USP25: variants seen among roughly 807,000 people sequenced by gnomAD.
The protein encoded by USP25 is ubiquitin specific peptidase 25.
Under a neutral mutation model 158.5 loss-of-function variants are expected in USP25, and 85 were observed. That is an observed-to-expected ratio of 0.54 (90% CI 0.45 to 0.64). The LOEUF is 0.64. USP25 is among the 30% of genes least tolerant of loss of function. USP25 has a pLI of 0.00. For missense variants in USP25, 1,242 were observed against 1,327.3 expected, an observed-to-expected ratio of 0.94 and a Z score of 1.00; for synonymous variants, 464 against 460.4, an observed-to-expected ratio of 1.01 and a Z score of -0.10.
intron 24 of USP25, among the ~76,000 whole-genome samples, chr21:15,874,844 A>G (rs2040037406): frequency 6.6e-6 from 1 of 152,178 alleles, no homozygotes; most frequent in Non-Finnish European, 1.5e-5. Context: ...ATGCATAGAT[A>G]AGCCTTAAAA....
At chr21:15,865,174 A>G (rs2039602560) in intron 21 of USP25, among the ~76,000 whole-genome samples, 1 of 152,158 alleles carries the variant, frequency 6.6e-6, no homozygotes, top group Admixed American at 6.5e-5. Flanking sequence ...CTATTAAACT[A>G]CTAATGTTAA....
chr21:15,741,617 T>C (rs1264827271), intron 1 of USP25, among the ~76,000 whole-genome samples: 1 of 152,194 alleles, frequency 6.6e-6, no homozygotes, highest in Non-Finnish European at 1.5e-5. Context: ...CAAGTGCTTG[T>C]TGGCCAGTTT....
At chr21:15,785,324 T>G (rs1042163104) in intron 4 of USP25, among the ~76,000 whole-genome samples, 13 of 152,166 alleles carry the variant, frequency 8.5e-5, no homozygotes, top group African/African-American at 3.1e-4. Flanking sequence ...ATCCCACTTT[T>G]AACAGTAGAC....
intron 4 of USP25, among the ~76,000 whole-genome samples, chr21:15,787,349 A>G (rs900563294): frequency 6.6e-6 from 1 of 152,116 alleles, no homozygotes; most frequent in Middle Eastern, 3.2e-3. Flanking sequence ...TTGACTTCCA[A>G]ATGTACTGCT....
At position 15,842,628 on chromosome 21, in the gene USP25, GGA is replaced by G. The variant is rs2038394264; in HGVS notation, c.2337+93_2337+94del. 1.3e-5 allele frequency: 20 copies of G among 1,494,210 alleles called. No individual in the cohort carries two copies. In the South Asian group the frequency reaches 1.9e-4, roughly 14 times the overall value. The allele number at this position is 1,494,210 out of a possible 1,614,324, so 92.6% of individuals were successfully genotyped here. On this transcript the variant is annotated intron_variant, in intron 18 of 25. Coordinates refer to ENST00000400183, the MANE Select transcript of USP25 (RefSeq NM_001283041.3). ...TGGAGAGGGACCTGTCAGGGAGTCAGGAGAGACGGGGCCCAGTGATGGCTCTG... is the reference window on the plus strand; with the variant it reads ...TGGAGAGGGACCTGTCAGGGAGTCAGGAGACGGGGCCCAGTGATGGCTCTG...
intron 10 of USP25, among the ~76,000 whole-genome samples, chr21:15,822,642 A>G (rs2037290786): frequency 1.3e-5 from 2 of 151,962 alleles, no homozygotes; most frequent in Non-Finnish European, 2.9e-5. Flanking sequence ...ATATTATCCT[A>G]AAGAATCAAA....
chr21:15,769,451 C>T (rs2034225583), intron 3 of USP25, among the ~76,000 whole-genome samples: 1 of 152,054 alleles, frequency 6.6e-6, no homozygotes, highest in South Asian at 2.1e-4. Context: ...TACTAGGTAA[C>T]ATTTTTTATT....
rs57912569 is a variant in USP25, at chr21:15,775,739, A to ACCCCCCCCCC, written c.269-2159_269-2150dup. ...CAAAGGCAACAGGATAATGGTTGCCACCCCCCCCCCCCCCCGCCCCCGCTG... is the reference window on the plus strand; with the variant it reads ...CAAAGGCAACAGGATAATGGTTGCCACCCCCCCCCCCCCCCCCCCCCCCCCGCCCCCGCTG... On this transcript the variant is annotated intron_variant, in intron 3 of 25. Transcript: ENST00000400183. 4.1e-3 allele frequency among the ~76,000 whole-genome samples: 58 copies of ACCCCCCCCCC among 14,054 alleles called. 1 individual carries two copies. The highest frequency in any genetic ancestry group is 4.8e-3 in the Non-Finnish European group (37 of 7,730). The allele number at this position is 14,054 out of a possible 152,430, so 9.2% of individuals were successfully genotyped here.
At chr21:15,749,588 GT>G (rs1444223607) in intron 1 of USP25, among the ~76,000 whole-genome samples, 3 of 152,110 alleles carry the variant, frequency 2.0e-5, no homozygotes, top group East Asian at 1.9e-4. Context: ...TGTATTCTTT[GT>G]TTTAAGCAGA....
chr21:15,834,771 G>T (rs2037980737), intron 17 of USP25, among the ~76,000 whole-genome samples: 1 of 152,118 alleles, frequency 6.6e-6, no homozygotes, highest in Non-Finnish European at 1.5e-5. Context: ...AGCAACATTT[G>T]GATACTACAG....
At chr21:15,758,295 G>A (rs1016937920) in intron 1 of USP25, among the ~76,000 whole-genome samples, 1 of 152,120 alleles carries the variant, frequency 6.6e-6, no homozygotes, top group Non-Finnish European at 1.5e-5. Context: ...GATATGGTTA[G>A]CCTTTGTGTC....
At position 15,826,375 on chromosome 21, in the gene USP25, A is replaced by G. The variant is rs753442649; in HGVS notation, c.1466+10A>G. 1 of 1,613,442 alleles carries G rather than the reference A, an allele frequency of 6.2e-7. No homozygotes were observed. The highest frequency in any genetic ancestry group is 2.2e-5 in the East Asian group (1 of 44,832). ...CACAGACATTACCAAGGTAAAAAGT[A>G]ATCCTGATGCAAGAGACAGTTGTTA... On this transcript the variant is annotated intron_variant, in intron 13 of 25. Coordinates refer to ENST00000400183, the MANE Select transcript of USP25 (RefSeq NM_001283041.3). This position sits in a 1 kb window ranked among gnomAD's most constrained non-coding sequence, Gnocchi z 4.8.
intron 9 of USP25, among the ~76,000 whole-genome samples, chr21:15,813,053 CCTT>C (rs2036753104): frequency 1.3e-5 from 2 of 151,324 alleles, no homozygotes; most frequent in Non-Finnish European, 1.5e-5. Context: ...TGTTCTCTAA[CCTT>C]CATTAAGCTG....
chr21:15,845,914 A>G (rs911048501), intron 18 of USP25, among the ~76,000 whole-genome samples: 2 of 151,686 alleles, frequency 1.3e-5, no homozygotes, highest in African/African-American at 4.8e-5. Flanking sequence ...TTCAAATATA[A>G]ACAATTTAAA....
At chr21:15,876,134 CA>C (rs2040088466) in intron 24 of USP25, 1 of 152,112 alleles carries the variant, frequency 6.6e-6, no homozygotes. Flanking sequence ...ATAGGAGGAA[CA>C]AGGTTGGCTT....
intron 1 of USP25, among the ~76,000 whole-genome samples, chr21:15,750,629 T>TA (rs1028955242): frequency 3.3e-5 from 5 of 151,672 alleles, no homozygotes; most frequent in African/African-American, 1.2e-4. Flanking sequence ...TTTTTTGAGA[T>TA]AGAGTCTCGC....
intron 24 of USP25, chr21:15,876,264 A>G (rs1252908709): frequency 6.6e-6 from 1 of 152,190 alleles, no homozygotes; most frequent in Non-Finnish European, 1.5e-5. Flanking sequence ...TGTAGTAAAT[A>G]CTTGAAGATT....
chr21:15,775,999 C>T (rs2034635957), intron 3 of USP25, among the ~76,000 whole-genome samples: 1 of 152,044 alleles, frequency 6.6e-6, no homozygotes, highest in South Asian at 2.1e-4. Flanking sequence ...ATTTTTTCCA[C>T]TTTTCATTAT....
chr21:15,879,140 G>T lies in USP25; in HGVS notation c.*665G>T, dbSNP rs2146626776. 1 of 152,480 alleles carries T rather than the reference G, an allele frequency of 6.6e-6. No homozygotes were observed. Among genetic ancestry groups the T allele is most frequent in the South Asian group, 2.1e-4 (1 of 4,824 alleles). 9.4% of individuals were successfully genotyped at this position (152,480 alleles called of 1,614,324 possible). On this transcript the variant is annotated 3_prime_UTR_variant, in exon 26 of 26. Transcript: ENST00000400183. ...CCGGAACCTGTTTTGAATTCAGTCA[G>T]GTTTTTACTCAAGTAAGTGGTTGAT...
Sources: gnomAD v4.1 joint callset for allele counts (sites outside exome capture counted in the v4.1 genomes callset) on GRCh38, gnomAD v4.1.1 for gene constraint, Gnocchi (gnomAD v3.1) non-coding constraint, MANE v1.5 for transcripts, NCBI Gene and HGNC (gene_info 2026-07-23, HGNC 2026-07-21) for gene names.